Variants in NEB observed in about 807,000 individuals in gnomAD.
The protein encoded by NEB is nebulin.
In NEB, 512 loss-of-function variants were observed where a neutral mutation model predicts 952.2. The ratio of observed to expected loss-of-function variants is 0.54; its 90% confidence interval spans 0.50 to 0.58. The LOEUF is 0.58. NEB is among the 20% of genes least tolerant of loss of function. The pLI, the probability that NEB is intolerant of heterozygous loss-of-function variation, is 0.00. For synonymous variants in NEB, 2,900 were observed against 3,149.8 expected (o/e 0.92, Z 2.66); for missense variants, 8,428 against 9,231.1 (o/e 0.91, Z 3.56).
chr2:151,567,510 G>A lies in NEB; in HGVS notation c.17845-31C>T, dbSNP rs756569688. The A allele has an allele frequency of 3.9e-6, 6 of 1,556,398 alleles. No homozygotes were observed. In the Admixed American group the frequency reaches 1.1e-4, roughly 30 times the overall value. ...GAGAAGAGGAATATAAATTCCATCA[G>A]TTTTGACAAGCACACAAGGCAGAGG... On this transcript the variant is annotated intron_variant, in intron 113 of 181. Coordinates refer to ENST00000397345, the MANE Select transcript of NEB (RefSeq NM_001164508.2).
intron 53 of NEB, 28 bp downstream of exon 53, chr2:151,650,546 T>C (rs190843599): frequency 5.9e-6 from 9 of 1,525,234 alleles, no homozygotes; most frequent in Non-Finnish European, 7.0e-6. Context: ...AATTAATATA[T>C]AAACTATTGG....
Position 151,576,135 on chromosome 2 carries a change from A to AG in NEB, c.16908+15dup. The AG allele has an allele frequency of 3.2e-6, 5 of 1,555,216 alleles. No individual in the cohort carries two copies. The highest frequency in any genetic ancestry group is 4.4e-6 in the Non-Finnish European group (5 of 1,141,220). On this transcript the variant is annotated intron_variant, in intron 106 of 181. Transcript: ENST00000397345. ...TATGGCATTAATTCAATTTTAATAG[A>AG]GAAAAACTAACTCACAATACTAATA...
intron 13 of NEB, among the ~76,000 whole-genome samples, chr2:151,698,703 A>T (rs2099618515): frequency 6.7e-6 from 1 of 148,790 alleles, no homozygotes; most frequent in African/African-American, 2.5e-5. Flanking sequence ...AGTGGCACAA[A>T]CTCGGCTCAC....
chr2:151,529,559 C>G (rs1167624306), intron 145 of NEB, among the ~76,000 whole-genome samples: 1 of 147,864 alleles, frequency 6.8e-6, no homozygotes, highest in Non-Finnish European at 1.5e-5. Flanking sequence ...TTAACAGATT[C>G]TCTCTCTGTC....
chr2:151,539,424 G>C lies in NEB; in HGVS notation c.20892+920C>G, dbSNP rs574456460. Among the ~76,000 whole-genome samples the C allele has an allele frequency of 1.7e-4, 26 of 152,224 alleles. No individual in the cohort carries two copies. The South Asian group carries it at 5.4e-3, about 32-fold the overall frequency. ...AACAAAATTATGGAACTGAGATATT[G>C]TTCACATTTGCTGTGCCTTCTCTTT... On this transcript the variant is annotated intron_variant, in intron 138 of 181. Transcript: ENST00000397345.
intron 121 of NEB, 100 bp downstream of exon 121, chr2:151,562,010 A>G: frequency 1.1e-6 from 1 of 889,030 alleles, no homozygotes. Context: ...TAGAGCCTAC[A>G]CTGTTACAGC....
At chr2:151,696,549 AAAC>A in intron 17 of NEB, 85 bp downstream of exon 17, 1 of 1,005,970 alleles carries the variant, frequency 9.9e-7, no homozygotes, top group Non-Finnish European at 1.5e-6. Flanking sequence ...CCTTTTGAAT[AAAC>A]TTGATAAGTC....
Position 151,643,306 on chromosome 2 carries a change from C to G in NEB, c.8004G>C (p.Met2668Ile). The G allele has an allele frequency of 6.2e-7, 1 of 1,613,924 alleles. No homozygotes were observed. Among genetic ancestry groups the G allele is most frequent in the Non-Finnish European group, 8.5e-7 (1 of 1,179,854 alleles). ...TCTCATCCTCGAGAGAACCACTAGT[C>G]ATCCAGCCAATGCCTTTTAGCCACT... The part of the protein sequence containing the change: ...DLQWLKGIGW[M>I]TSGSLEDEKN... Residue 2668 changes from methionine (M) to isoleucine (I), a missense_variant, in exon 58 of 182, where the codon ATG (methionine) becomes ATC (isoleucine). By Grantham distance (10) the Met-to-Ile change is conservative (BLOSUM62 1). Transcript: ENST00000397345.
chr2:151,615,634 T>G (rs1347500270), intron 76 of NEB, among the ~76,000 whole-genome samples: 1 of 152,224 alleles, frequency 6.6e-6, no homozygotes, highest in Middle Eastern at 3.2e-3. Flanking sequence ...TCACATATTA[T>G]TTAAAGGGAA....
chr2:151,499,692 A>G (rs2062958952), intron 168 of NEB, among the ~76,000 whole-genome samples: 1 of 152,264 alleles, frequency 6.6e-6, no homozygotes, highest in African/African-American at 2.4e-5. Context: ...TACTCAGTGT[A>G]CAATAGAAAA....
rs568101617 is a variant in NEB, at chr2:151,712,234, T to A, written c.823-1696A>T. Among the ~76,000 whole-genome samples, 3 of 152,242 alleles carry A rather than the reference T, an allele frequency of 2.0e-5. No individual in the cohort carries two copies. The East Asian group carries it at 5.8e-4, about 29-fold the overall frequency. On this transcript the variant is annotated intron_variant, in intron 10 of 181. Coordinates refer to ENST00000397345, the MANE Select transcript of NEB (RefSeq NM_001164508.2). ...ATTGGGAAGGGGCAATTGGGCCTGA[T>A]CCCCAAAACTGAGATCCAGAGAACT...
At chr2:151,572,859 T>A (rs577666634) in intron 107 of NEB, among the ~76,000 whole-genome samples, 97 of 147,816 alleles carry the variant, frequency 6.6e-4, no homozygotes, top group Non-Finnish European at 6.4e-4. Flanking sequence ...CAAGTATGTA[T>A]ATATTTTTAA....
rs915895010 is a variant in NEB at position 151,497,899 on chromosome 2, A to G, written c.24208-181T>C. The G allele has an allele frequency of 1.0e-5, 15 of 1,482,140 alleles. No individual in the cohort carries two copies. The African/African-American group carries it at 1.7e-4, about 17-fold the overall frequency. The allele number at this position is 1,482,140 out of a possible 1,614,324, so 91.8% of individuals were successfully genotyped here. Reference sequence around the variant, plus strand: ...ATAGGGAATCTGCACCCTCTAGAGAAGCAGGGACTTCAGCTGCTGAGGAAG... The same window carrying G: ...ATAGGGAATCTGCACCCTCTAGAGAGGCAGGGACTTCAGCTGCTGAGGAAG... On this transcript the variant is annotated intron_variant, in intron 170 of 181. Transcript: ENST00000397345.
chr2:151,626,959 G>A, intron 70 of NEB, 43 bp downstream of exon 70: 5 of 1,592,364 alleles, frequency 3.1e-6, no homozygotes, highest in Non-Finnish European at 4.3e-6. Flanking sequence ...TATCTTGAAT[G>A]ACATATAGCC....
chr2:151,497,614 T>G lies in NEB; in HGVS notation c.24300+12A>C. The G allele has an allele frequency of 6.4e-7, 1 of 1,559,866 alleles. No homozygotes were observed. Among genetic ancestry groups the G allele is most frequent in the South Asian group, 1.2e-5 (1 of 83,956 alleles). Reference sequence around the variant, plus strand: ...TTAAATAAGTAGTTTTTTTCTTTTCTTGCCAAAGTACCGAGCTAATATTTT... The same window carrying G: ...TTAAATAAGTAGTTTTTTTCTTTTCGTGCCAAAGTACCGAGCTAATATTTT... On this transcript the variant is annotated intron_variant, in intron 171 of 181. Transcript: ENST00000397345.
In NEB at chr2:151,565,582, A is replaced by G; in HGVS notation, c.18285T>C (p.Leu6095=). Residue 6095 remains leucine (L), a synonymous_variant, in exon 116 of 182, where the codon CTT becomes CTC. Coordinates refer to ENST00000397345, the MANE Select transcript of NEB (RefSeq NM_001164508.2). ...CACTTCTAAAGTTAGGATAGTTTTC[A>G]AGGGCATTTTTCTTATATTTGATCT... ...MSQIKYKKNA[L]ENYPNFRSVV... The G allele has an allele frequency of 6.3e-7, 1 of 1,598,038 alleles. No homozygotes were observed. The highest frequency in any genetic ancestry group is 8.6e-7 in the Non-Finnish European group (1 of 1,167,202).
intron 20 of NEB, chr2:151,692,596 A>G: frequency 1.8e-6 from 1 of 552,640 alleles, no homozygotes; most frequent in Non-Finnish European, 3.2e-6. Flanking sequence ...ATATTTTTTC[A>G]GACTGAAAAA....
At chr2:151,520,822 C>A (rs372856725) in intron 153 of NEB, among the ~76,000 whole-genome samples, 4 of 152,160 alleles carry the variant, frequency 2.6e-5, no homozygotes, top group Non-Finnish European at 5.9e-5. Context: ...CAGGATCGCA[C>A]CACTGCACTC....
At chr2:151,680,648 T>C in intron 30 of NEB, 82 bp downstream of exon 30, 2 of 1,040,324 alleles carry the variant, frequency 1.9e-6, no homozygotes, top group Non-Finnish European at 2.9e-6. Context: ...GTATAATAAC[T>C]AGAGGTGATC....
Sources: allele counts gnomAD v4.1 joint callset (sites outside exome capture counted in the v4.1 genomes callset), GRCh38; gene constraint gnomAD v4.1.1; transcripts MANE v1.5; gene names NCBI Gene and HGNC (gene_info 2026-07-23, HGNC 2026-07-21).